ROBO2: variants seen among roughly 807,000 people sequenced by gnomAD.
ROBO2 encodes the protein roundabout guidance receptor 2.
A neutral mutation model predicts 160.8 loss-of-function variants in ROBO2; 53 were observed. The ratio of observed to expected loss-of-function variants is 0.33; its 90% CI spans 0.26 to 0.41. ROBO2 has a LOEUF of 0.41. ROBO2 is among the 10% of genes least tolerant of loss of function. The probability of loss-of-function intolerance (pLI) is 1.00; values close to 1 mark genes in which losing one functional copy is unlikely to be tolerated. For synonymous variants in ROBO2, 664 were observed against 611.7 expected (o/e 1.09, Z -1.26); for missense variants, 1,577 against 1,722.4 (o/e 0.92, Z 1.49).
At chr3:77,154,981 AG>A in intron 2 of ROBO2, among the ~76,000 whole-genome samples, 1 of 152,094 alleles carries the variant, frequency 6.6e-6, no homozygotes, top group African/African-American at 2.4e-5. Flanking sequence ...CAGTGTACTC[AG>A]TTAACAAACC....
intron 2 of ROBO2, among the ~76,000 whole-genome samples, chr3:76,837,607 T>G (rs1309226781): frequency 6.6e-6 from 1 of 151,892 alleles, no homozygotes; most frequent in East Asian, 1.9e-4. Context: ...ATGTGACATT[T>G]TATTATGCTT....
chr3:77,617,403 A>G, intron 21 of ROBO2, 110 bp from the exon 23 acceptor site: 2 of 1,243,396 alleles, frequency 1.6e-6, no homozygotes, highest in Non-Finnish European at 2.3e-6. Context: ...AAATAAACCG[A>G]GAGAACATTT....
At chr3:75,925,305 A>T (rs1947247529) in intron 1 of ROBO2, among the ~76,000 whole-genome samples, 1 of 151,950 alleles carries the variant, frequency 6.6e-6, no homozygotes, top group African/African-American at 2.4e-5. Flanking sequence ...CGGTGAAAGG[A>T]TCTGAGCCCG....
At chr3:77,277,149 C>CTTCCTTCCTTCTTTCT (rs1553882798) in intron 2 of ROBO2, among the ~76,000 whole-genome samples, 238 of 99,924 alleles carry the variant, frequency 2.4e-3, no homozygotes, top group South Asian at 0.011. Context: ...TCCTTCTTTC[C>CTTCCTTCCTTCTTTCT]TTCTTTCCTT....
At chr3:76,781,636 T>C (rs564761266) in intron 2 of ROBO2, among the ~76,000 whole-genome samples, 1 of 150,952 alleles carries the variant, frequency 6.6e-6, no homozygotes, top group Admixed American at 6.6e-5. Flanking sequence ...TTTGTCTCCA[T>C]TGGGATGATC....
intron 2 of ROBO2, among the ~76,000 whole-genome samples, chr3:76,017,414 A>G (rs749570852): frequency 4.6e-5 from 7 of 152,106 alleles, no homozygotes; most frequent in Admixed American, 2.0e-4. Context: ...TTTATTTTCA[A>G]TGTGTCCTGA....
At chr3:77,309,438 C>T (rs1580937841) in intron 2 of ROBO2, among the ~76,000 whole-genome samples, 1 of 152,152 alleles carries the variant, frequency 6.6e-6, no homozygotes, top group Non-Finnish European at 1.5e-5. Context: ...CTGAAGAGAA[C>T]TTCTATCCAT....
chr3:77,065,416 T>C (rs2066738398), intron 1 of ROBO2, among the ~76,000 whole-genome samples: 1 of 152,194 alleles, frequency 6.6e-6, no homozygotes, highest in African/African-American at 2.4e-5. Flanking sequence ...AATATCCTAT[T>C]GTTTCTCTTT....
intron 6 of ROBO2, among the ~76,000 whole-genome samples, chr3:77,527,007 A>G (rs1163426980): frequency 6.6e-6 from 1 of 151,430 alleles, no homozygotes; most frequent in East Asian, 1.9e-4. Flanking sequence ...TATTTAAATC[A>G]GACAGCGAGG....
intron 2 of ROBO2, among the ~76,000 whole-genome samples, chr3:77,142,852 A>G (rs1218950298): frequency 6.6e-6 from 1 of 152,182 alleles, no homozygotes; most frequent in Non-Finnish European, 1.5e-5. Context: ...TTCCAGTCTC[A>G]ATGCAATGCA....
intron 2 of ROBO2, among the ~76,000 whole-genome samples, chr3:76,052,784 A>G (rs1272507673): frequency 6.6e-6 from 1 of 152,006 alleles, no homozygotes; most frequent in Non-Finnish European, 1.5e-5. Flanking sequence ...GATAAACTGA[A>G]CAATCTCTTT....
intron 2 of ROBO2, among the ~76,000 whole-genome samples, chr3:76,258,897 T>A (rs1213764846): frequency 6.6e-6 from 1 of 152,100 alleles, no homozygotes; most frequent in Non-Finnish European, 1.5e-5. Context: ...GGCTTGGAAT[T>A]TTTCAGCAAT....
intron 21 of ROBO2, among the ~76,000 whole-genome samples, chr3:77,608,412 G>A (rs2094566099): frequency 6.6e-6 from 1 of 152,208 alleles, no homozygotes; most frequent in South Asian, 2.1e-4. Context: ...GACCTGGCCA[G>A]TGGGTAGAAC....
At chr3:76,201,554 C>A (rs1702529144) in intron 2 of ROBO2, among the ~76,000 whole-genome samples, 1 of 152,214 alleles carries the variant, frequency 6.6e-6, no homozygotes, top group East Asian at 1.9e-4. Context: ...TAAACAATTG[C>A]CAGCAAAATG....
chr3:77,454,115 C>G (rs1218741880), intron 2 of ROBO2, among the ~76,000 whole-genome samples: 2 of 141,730 alleles, frequency 1.4e-5, no homozygotes, highest in Non-Finnish European at 3.1e-5. Flanking sequence ...TCTTCTTACT[C>G]TGGGCTTTTT....
chr3:77,619,928 A>G (rs2094865936), intron 22 of ROBO2, among the ~76,000 whole-genome samples: 1 of 152,196 alleles, frequency 6.6e-6, no homozygotes, highest in African/African-American at 2.4e-5. Context: ...CCCTGGCTGT[A>G]TATTAGCTGT....
intron 1 of ROBO2, among the ~76,000 whole-genome samples, chr3:77,076,112 AC>A (rs1260669378): frequency 6.6e-6 from 1 of 152,194 alleles, no homozygotes; most frequent in Admixed American, 6.5e-5. Context: ...ATAGTTTAAA[AC>A]AGTTTGAAAA....
intron 2 of ROBO2, among the ~76,000 whole-genome samples, chr3:76,049,055 A>G (rs1266537094): frequency 2.6e-5 from 4 of 152,130 alleles, no homozygotes; most frequent in Non-Finnish European, 5.9e-5. Flanking sequence ...ACCACACAAG[A>G]TACAGGATAA....
chr3:76,839,469 A>T (rs1576971395), intron 2 of ROBO2, among the ~76,000 whole-genome samples: 1 of 152,166 alleles, frequency 6.6e-6, no homozygotes, highest in Non-Finnish European at 1.5e-5. Context: ...TACCACGTTG[A>T]TTGATTTGCA....
Sources: allele counts gnomAD v4.1 joint callset (sites outside exome capture counted in the v4.1 genomes callset), GRCh38; gene constraint gnomAD v4.1.1; transcripts MANE v1.5; gene names NCBI Gene and HGNC (gene_info 2026-07-23, HGNC 2026-07-21).